Variants in RECQL observed in about 807,000 individuals in gnomAD.
The protein encoded by RECQL is ATP-dependent DNA helicase Q1.
In RECQL, 73 loss-of-function variants were observed where a neutral mutation model predicts 75.8. That is an observed-to-expected ratio of 0.96 (90% CI 0.80 to 1.17). The LOEUF is 1.17. RECQL is among the 50% of genes most tolerant of loss of function. The pLI is 0.00. For synonymous variants in RECQL, 248 were observed against 254.4 expected (o/e 0.97, Z 0.24); for missense variants, 699 against 772.1 (o/e 0.91, Z 1.12).
chr12:21,496,223 T>C (rs1943506136), intron 2 of RECQL, among the ~76,000 whole-genome samples: 1 of 152,206 alleles, frequency 6.6e-6, no homozygotes, highest in African/African-American at 2.4e-5. Flanking sequence ...TGAGAATGGA[T>C]TATGCCAAAA....
chr12:21,484,544 A>G (rs1011378070), intron 5 of RECQL, among the ~76,000 whole-genome samples: 2 of 152,148 alleles, frequency 1.3e-5, no homozygotes, highest in Non-Finnish European at 2.9e-5. Context: ...ACAAAAATAT[A>G]TGGGTAAACT....
chr12:21,486,013 C>T (rs899309253), intron 5 of RECQL, among the ~76,000 whole-genome samples: 2 of 152,098 alleles, frequency 1.3e-5, no homozygotes, highest in South Asian at 2.1e-4. Context: ...TAGCAATTCT[C>T]CCTTACTATT....
intron 1 of RECQL, among the ~76,000 whole-genome samples, 179 bp downstream of exon 1, chr12:21,500,991 T>C (rs1004137469): frequency 6.6e-6 from 1 of 152,132 alleles, no homozygotes; most frequent in South Asian, 2.1e-4. Flanking sequence ...ACAGGAAGAA[T>C]GTTACAGGGT....
intron 8 of RECQL, among the ~76,000 whole-genome samples, 191 bp downstream of exon 8, chr12:21,476,720 A>G (rs903023697): frequency 4.6e-5 from 7 of 152,160 alleles, no homozygotes; most frequent in African/African-American, 1.4e-4. Flanking sequence ...CTCATAATCT[A>G]TGGCATAAGC....
intron 6 of RECQL, among the ~76,000 whole-genome samples, chr12:21,482,548 A>C (rs572208763): frequency 1.4e-4 from 22 of 152,330 alleles, no homozygotes; most frequent in African/African-American, 5.1e-4. Context: ...GGAAAGCCAA[A>C]GTCTAGATGA....
rs1942893096 is a variant in RECQL, at chr12:21,469,950, T to G, written c.*244A>C. On this transcript the variant is annotated 3_prime_UTR_variant, in exon 15 of 15. Transcript: ENST00000444129. ...TTGTATGAACTTATTCTCAAATATTTTACATTTAAAGGGTTTTACATAAAA... is the reference window on the plus strand; with the variant it reads ...TTGTATGAACTTATTCTCAAATATTGTACATTTAAAGGGTTTTACATAAAA... The G allele has an allele frequency of 5.1e-6, 2 of 393,662 alleles. No homozygotes were observed. Among genetic ancestry groups the G allele is most frequent in the Non-Finnish European group, 8.7e-6 (2 of 229,674 alleles). 24.4% of individuals were successfully genotyped at this position (393,662 alleles called of 1,614,324 possible).
intron 2 of RECQL, among the ~76,000 whole-genome samples, chr12:21,498,545 T>C (rs745306338): frequency 2.6e-5 from 4 of 152,254 alleles, no homozygotes; most frequent in Admixed American, 6.5e-5. Flanking sequence ...GGGTTCCTCA[T>C]GCCAACAAAT....
At chr12:21,485,012 T>G (rs889569705) in intron 5 of RECQL, among the ~76,000 whole-genome samples, 8 of 151,848 alleles carry the variant, frequency 5.3e-5, no homozygotes, top group African/African-American at 1.7e-4. Flanking sequence ...GTGACAGAAT[T>G]AGATATCACC....
At chr12:21,476,882 T>G (rs1675567478) in intron 8 of RECQL, 29 bp downstream of exon 8, 1 of 1,483,376 alleles carries the variant, frequency 6.7e-7, no homozygotes, top group Non-Finnish European at 9.2e-7. Flanking sequence ...GTTATCTCTG[T>G]CTCCAAAGTT....
chr12:21,481,251 T>C (rs1282274203), intron 6 of RECQL, among the ~76,000 whole-genome samples: 1 of 152,130 alleles, frequency 6.6e-6, no homozygotes, highest in Non-Finnish European at 1.5e-5. Flanking sequence ...ATGGGGAAAA[T>C]ATTCCCAGTT....
intron 6 of RECQL, among the ~76,000 whole-genome samples, chr12:21,482,406 T>C (rs978372604): frequency 1.3e-5 from 2 of 152,096 alleles, no homozygotes; most frequent in Admixed American, 6.5e-5. Context: ...TAGGAGACAT[T>C]TGTTGGAAGA....
At position 21,490,330 on chromosome 12, in the gene RECQL, T is replaced by G; in HGVS notation, c.263A>C (p.Lys88Thr). 6.2e-7 allele frequency: 1 copy of G among 1,612,948 alleles called. No individual in the cohort carries two copies. The highest frequency in any genetic ancestry group is 8.5e-7 in the Non-Finnish European group (1 of 1,179,260). ...CTGAAGTGGTCTGAACTTTTCCAGT[T>G]TAAAGACATTTTGCAGAATATCTTT... ...KVKDILQNVFKLEKFRPLQLE... is the reference protein window; with the variant it reads ...KVKDILQNVFTLEKFRPLQLE... Residue 88 changes from lysine (K) to threonine (T), a missense_variant, in exon 4 of 15, where the codon AAA becomes ACA. Coordinates refer to ENST00000444129, the MANE Select transcript of RECQL (RefSeq NM_002907.4).
chr12:21,490,686 T>C (rs989841378), intron 3 of RECQL, among the ~76,000 whole-genome samples: 2 of 151,960 alleles, frequency 1.3e-5, no homozygotes, highest in Admixed American at 6.6e-5. Flanking sequence ...TCTATCCCTA[T>C]AAAAAAATTT....
At chr12:21,500,412 T>C (rs1344848050) in intron 1 of RECQL, among the ~76,000 whole-genome samples, 1 of 152,180 alleles carries the variant, frequency 6.6e-6, no homozygotes, top group African/African-American at 2.4e-5. Flanking sequence ...ATGGACATTT[T>C]CTAAAACTAA....
chr12:21,478,101 C>T, intron 6 of RECQL, 132 bp from the exon 7 acceptor site: 1 of 829,020 alleles, frequency 1.2e-6, no homozygotes. Flanking sequence ...AGTAAATTTG[C>T]AGTTCTGTGT....
At position 21,475,579 on chromosome 12, in the gene RECQL, C is replaced by T; in HGVS notation, c.1105G>A (p.Val369Met). The change falls in exon 10 of 15, where the codon GTG becomes ATG. Residue 369 changes from valine (V) to methionine (M), a missense_variant. Val to Met is a conservative substitution (Grantham distance 21, BLOSUM62 1). This residue lies in a region of RECQL where 669 missense variants were observed against 713.5 expected (regional missense o/e 0.94). Coordinates refer to ENST00000444129, the MANE Select transcript of RECQL (RefSeq NM_002907.4). ...CCCATACCAAATGCAACAGTTGCCA[C>T]TACTACCTGAAATATTTTAACATTT... ...KWSANEIQVV[V>M]ATVAFGMGID... 6.2e-7 allele frequency: 1 copy of T among 1,611,466 alleles called. No homozygotes were observed. Among genetic ancestry groups the T allele is most frequent in the East Asian group, 2.2e-5 (1 of 44,820 alleles).
chr12:21,480,663 G>C (rs1223991766), intron 6 of RECQL, among the ~76,000 whole-genome samples: 1 of 152,106 alleles, frequency 6.6e-6, no homozygotes, highest in African/African-American at 2.4e-5. Flanking sequence ...TGCTTCCTGT[G>C]GGCTTGCTTG....
chr12:21,483,717 C>T (rs550434481), intron 5 of RECQL, 143 bp from the exon 6 acceptor site: 27 of 624,482 alleles, frequency 4.3e-5, no homozygotes, highest in Middle Eastern at 4.2e-4. Context: ...TTCATTAAAA[C>T]TGAAACCATG....
In RECQL at chr12:21,471,081, G is replaced by C; in HGVS notation, c.1685C>G (p.Thr562Arg). ...QQYLKEDYSF[T>R]AYATISYLKI... Reference sequence around the variant, plus strand: ...CAAATACGAAATGGTAGCATAAGCTGTAAAACTGTAGTCTTCTCTGCAGAA... The same window carrying C: ...CAAATACGAAATGGTAGCATAAGCTCTAAAACTGTAGTCTTCTCTGCAGAA... Residue 562 changes from threonine (T) to arginine (R), a missense_variant, in exon 14 of 15, where the codon ACA becomes AGA. Thr to Arg is a moderately conservative substitution (Grantham distance 71). This residue lies in a region of RECQL where 669 missense variants were observed against 713.5 expected (regional missense o/e 0.94). Coordinates refer to ENST00000444129, the MANE Select transcript of RECQL (RefSeq NM_002907.4). 6.3e-7 allele frequency: 1 copy of C among 1,590,154 alleles called. No homozygotes were observed. Among genetic ancestry groups the C allele is most frequent in the South Asian group, 1.2e-5 (1 of 86,592 alleles).
Sources: gnomAD v4.1 joint callset for allele counts (sites outside exome capture counted in the v4.1 genomes callset) on GRCh38, gnomAD v4.1.1 for gene constraint, gnomAD v4.1.1 regional missense constraint, MANE v1.5 for transcripts, NCBI Gene and HGNC (gene_info 2026-07-23, HGNC 2026-07-21) for gene names.